The following RANBP2 variants were observed in gnomAD, a reference collection of about 807,000 sequenced individuals.
RANBP2 encodes the protein RAN binding protein 2.
RANBP2 carries 57 observed loss-of-function variants against 303.6 expected under a neutral mutation model. That is an observed-to-expected ratio of 0.19 (90% CI 0.15 to 0.23). The LOEUF (loss-of-function observed/expected upper bound fraction) is 0.23. Among genes scored for constraint, RANBP2 ranks in the 10% least tolerant of loss-of-function variants. The pLI is 1.00. For synonymous variants in RANBP2, 1,167 were observed against 1,301.5 expected (o/e 0.90, Z 2.23); for missense variants, 3,138 against 3,780.8 (o/e 0.83, Z 4.46).
the RANBP2 span, among the ~76,000 whole-genome samples, chr2:109,234,793 C>T: frequency 6.6e-6 from 1 of 152,190 alleles, no homozygotes; most frequent in East Asian, 1.9e-4. Flanking sequence ...TCACACCTGA[C>T]TTCCTGGGGA....
At chr2:108,910,443 TG>T in the RANBP2 span, 1 of 1,608,840 alleles carries the variant, frequency 6.2e-7, no homozygotes, top group Non-Finnish European at 8.5e-7. Flanking sequence ...AGCTTGGTGC[TG>T]GGGGCTTCCA....
chr2:109,129,020 G>A, the RANBP2 span: 1 of 420,006 alleles, frequency 2.4e-6, no homozygotes, highest in Admixed American at 2.6e-5. Context: ...CGGTCCTGCT[G>A]AATCCTCTGG....
At chr2:109,485,202 A>T in the RANBP2 span, among the ~76,000 whole-genome samples, 1 of 151,886 alleles carries the variant, frequency 6.6e-6, no homozygotes, top group Non-Finnish European at 1.5e-5. Flanking sequence ...TGCCTGAGGC[A>T]AAGAGAATTA....
the RANBP2 span, among the ~76,000 whole-genome samples, chr2:109,642,568 T>C: frequency 2.0e-5 from 3 of 150,092 alleles, no homozygotes; most frequent in Non-Finnish European, 4.4e-5. Flanking sequence ...GCTAACACGG[T>C]GAAACCCCGT....
At chr2:109,453,049 G>C in the RANBP2 span, among the ~76,000 whole-genome samples, 4 of 152,296 alleles carry the variant, frequency 2.6e-5, no homozygotes, top group East Asian at 7.7e-4. Context: ...GCTATATCCA[G>C]GGGGATTGGG....
chr2:109,203,420 T>G, the RANBP2 span, among the ~76,000 whole-genome samples: 1 of 152,312 alleles, frequency 6.6e-6, no homozygotes, highest in South Asian at 2.1e-4. Flanking sequence ...GCGCATCACC[T>G]GTGGTCAGGC....
the RANBP2 span, chr2:108,812,920 C>T: frequency 1.9e-6 from 3 of 1,613,158 alleles, no homozygotes; most frequent in Non-Finnish European, 2.5e-6. Flanking sequence ...GTTTCAAAAA[C>T]TTACAAGGTA....
chr2:109,121,356 A>C, the RANBP2 span, among the ~76,000 whole-genome samples: 1 of 152,232 alleles, frequency 6.6e-6, no homozygotes, highest in Non-Finnish European at 1.5e-5. Flanking sequence ...ACAAAGTCTT[A>C]ATTTTAACTC....
At chr2:109,193,675 C>A in the RANBP2 span, among the ~76,000 whole-genome samples, 1 of 152,070 alleles carries the variant, frequency 6.6e-6, no homozygotes, top group Non-Finnish European at 1.5e-5. Context: ...TTGTTTCTAC[C>A]TCTACATTTA....
chr2:109,778,342 A>G, the RANBP2 span, among the ~76,000 whole-genome samples: 1 of 145,220 alleles, frequency 6.9e-6, no homozygotes, highest in African/African-American at 2.6e-5. Flanking sequence ...GGCTGTTGTA[A>G]GAGGTTTAAA....
the RANBP2 span, among the ~76,000 whole-genome samples, chr2:109,018,180 T>C: frequency 6.6e-6 from 1 of 152,166 alleles, no homozygotes; most frequent in Non-Finnish European, 1.5e-5. Flanking sequence ...TTCAGTGAAA[T>C]GGAGCCACAT....
At chr2:109,365,159 T>C in the RANBP2 span, among the ~76,000 whole-genome samples, 5,252 of 152,300 alleles carry the variant, frequency 0.034, 189 homozygotes, top group East Asian at 0.12. Context: ...CTGGCATGTT[T>C]CACAGTGGTT....
At chr2:108,794,607 T>G in the RANBP2 span, 1 of 1,614,102 alleles carries the variant, frequency 6.2e-7, no homozygotes. Context: ...CAGGTGACTC[T>G]CCTTTGAAAC....
the RANBP2 span, among the ~76,000 whole-genome samples, chr2:109,247,676 A>G: frequency 5.3e-5 from 8 of 152,280 alleles, no homozygotes; most frequent in East Asian, 1.5e-3. Context: ...TTAGTTTCTG[A>G]TTGCCAGTGA....
At chr2:108,908,618 C>T in the RANBP2 span, among the ~76,000 whole-genome samples, 396 of 152,264 alleles carry the variant, frequency 2.6e-3, 1 homozygote, top group African/African-American at 9.2e-3. Flanking sequence ...CCCACCAAGC[C>T]CAGGTTCATG....
At chr2:109,524,444 C>CAAAAAAAAAAAAAAA in the RANBP2 span, among the ~76,000 whole-genome samples, 378 of 84,370 alleles carry the variant, frequency 4.5e-3, 41 homozygotes, top group African/African-American at 0.024. Flanking sequence ...GACCCTGTCT[C>CAAAAAAAAAAAAAAA]AAAAAAAAAA....
chr2:109,767,179 T>G, the RANBP2 span, among the ~76,000 whole-genome samples: 1 of 140,954 alleles, frequency 7.1e-6, no homozygotes, highest in Non-Finnish European at 1.5e-5. Flanking sequence ...ACCCTTTGCT[T>G]TCTTAAAAAT....
At chr2:108,949,774 T>C in the RANBP2 span, among the ~76,000 whole-genome samples, 1 of 151,958 alleles carries the variant, frequency 6.6e-6, no homozygotes, top group East Asian at 1.9e-4. Flanking sequence ...AGAGAAAGAG[T>C]GACTCAGTTA....
the RANBP2 span, among the ~76,000 whole-genome samples, chr2:109,338,034 C>T: frequency 2.0e-5 from 3 of 152,016 alleles, no homozygotes; most frequent in Admixed American, 6.6e-5. Flanking sequence ...GCCCAGGCTC[C>T]TTCTGTTTTT....
Sources: allele counts gnomAD v4.1 joint callset (sites outside exome capture counted in the v4.1 genomes callset), GRCh38; gene constraint gnomAD v4.1.1; transcripts MANE v1.5; gene names NCBI Gene and HGNC (gene_info 2026-07-23, HGNC 2026-07-21).